Variants in GLIS3 observed in about 807,000 individuals in gnomAD.
GLIS3 encodes GLIS family zinc finger 3.
A neutral mutation model predicts 78.6 loss-of-function variants in GLIS3; 53 were observed. The ratio of observed to expected loss-of-function variants is 0.67; its 90% CI spans 0.54 to 0.85. The LOEUF is 0.85. GLIS3 is among the 40% of genes least tolerant of loss of function. GLIS3 has a pLI of 0.00. For synonymous variants in GLIS3, 684 were observed against 509.9 expected, an observed-to-expected ratio of 1.34 and a Z score of -4.60; for missense variants, 1,703 against 1,231.1, an observed-to-expected ratio of 1.38 and a Z score of -5.74.
chr9:4,181,063 C>G (rs567705299), intron 2 of GLIS3, among the ~76,000 whole-genome samples: 13 of 152,230 alleles, frequency 8.5e-5, no homozygotes, highest in Non-Finnish European at 1.6e-4. Flanking sequence ...CTTCCAGGCA[C>G]AGGCATGTCA....
At chr9:3,939,132 C>A (rs1293406359) in intron 4 of GLIS3, among the ~76,000 whole-genome samples, 4 of 152,162 alleles carry the variant, frequency 2.6e-5, no homozygotes, top group Non-Finnish European at 5.9e-5. Flanking sequence ...GCTCCCGGGG[C>A]ACATACCCAA....
chr9:4,405,354 T>TA, the GLIS3 span, among the ~76,000 whole-genome samples: 14,011 of 131,954 alleles, frequency 0.11, 1,462 homozygotes, highest in East Asian at 0.31. Flanking sequence ...AACTCCATCT[T>TA]AAAAAAAAAA....
intron 4 of GLIS3, among the ~76,000 whole-genome samples, chr9:4,103,258 T>C (rs887735759): frequency 6.6e-6 from 1 of 152,176 alleles, no homozygotes; most frequent in East Asian, 1.9e-4. Flanking sequence ...ACAGACTCAT[T>C]AGGCTTCGTT....
the GLIS3 span, among the ~76,000 whole-genome samples, chr9:4,374,133 G>A: frequency 6.6e-6 from 1 of 152,170 alleles, no homozygotes; most frequent in Non-Finnish European, 1.5e-5. Flanking sequence ...TTTTGCTACT[G>A]AAGGGCAGAG....
At chr9:3,953,686 T>G (rs2130852554) in intron 4 of GLIS3, among the ~76,000 whole-genome samples, 1 of 151,876 alleles carries the variant, frequency 6.6e-6, no homozygotes, top group East Asian at 1.9e-4. Flanking sequence ...GAAAACATAT[T>G]TTTGATAACA....
chr9:4,224,845 C>T lies in GLIS3; in HGVS notation c.388+61193G>A, dbSNP rs572615892. 2.0e-5 allele frequency among the ~76,000 whole-genome samples: 3 copies of T among 151,680 alleles called. No individual in the cohort carries two copies. In the South Asian group the frequency reaches 6.3e-4, roughly 32 times the overall value. Reference sequence around the variant, plus strand: ...AACAGCAAAATCATTCTTTTAGTGACTTGCACTTTTCAAACACTGTCAATA... The same window carrying T: ...AACAGCAAAATCATTCTTTTAGTGATTTGCACTTTTCAAACACTGTCAATA... On this transcript the variant is annotated intron_variant, in intron 2 of 10. Coordinates refer to ENST00000381971, the MANE Select transcript of GLIS3 (RefSeq NM_001042413.2).
intron 4 of GLIS3, among the ~76,000 whole-genome samples, chr9:3,993,736 T>C (rs1416096436): frequency 6.6e-6 from 1 of 152,258 alleles, no homozygotes; most frequent in Non-Finnish European, 1.5e-5. Context: ...GATGATTGCA[T>C]GATTTTAGCA....
the GLIS3 span, among the ~76,000 whole-genome samples, chr9:4,384,817 G>C: frequency 2.3e-4 from 35 of 151,908 alleles, no homozygotes; most frequent in Non-Finnish European, 3.5e-4. Flanking sequence ...TCAACCTCCA[G>C]CCCCGTGTAC....
chr9:3,894,477 A>G (rs1346378418), intron 7 of GLIS3, among the ~76,000 whole-genome samples: 1 of 152,236 alleles, frequency 6.6e-6, no homozygotes, highest in Non-Finnish European at 1.5e-5. Flanking sequence ...ACATATTAAA[A>G]CATGTACCAT....
intron 4 of GLIS3, among the ~76,000 whole-genome samples, chr9:4,029,280 C>A (rs1823610272): frequency 1.3e-5 from 2 of 151,694 alleles, no homozygotes; most frequent in African/African-American, 4.8e-5. Context: ...CAGACCTTTT[C>A]CCCCCGAGAC....
At chr9:4,420,060 C>G in the GLIS3 span, among the ~76,000 whole-genome samples, 1 of 152,136 alleles carries the variant, frequency 6.6e-6, no homozygotes, top group Non-Finnish European at 1.5e-5. Context: ...GTCCTGAAGC[C>G]TGGCTGTTGA....
At chr9:4,377,747 C>T in the GLIS3 span, among the ~76,000 whole-genome samples, 4 of 151,712 alleles carry the variant, frequency 2.6e-5, no homozygotes, top group Non-Finnish European at 4.4e-5. Flanking sequence ...ATTATTTTTT[C>T]ATTATTAGAC....
At chr9:4,404,399 TC>T in the GLIS3 span, among the ~76,000 whole-genome samples, 7 of 152,124 alleles carry the variant, frequency 4.6e-5, no homozygotes, top group African/African-American at 1.7e-4. Context: ...AAACATGTCA[TC>T]CAACAGCTGC....
chr9:4,456,880 A>G, the GLIS3 span, among the ~76,000 whole-genome samples: 1 of 152,220 alleles, frequency 6.6e-6, no homozygotes, highest in African/African-American at 2.4e-5. Context: ...ATCCCAAAAC[A>G]ATTGCAATAC....
In GLIS3 at chr9:4,070,636, T is replaced by C. The variant is rs189664577; in HGVS notation, c.1710+47132A>G. Reference sequence around the variant, plus strand: ...TGTGTGTGTATATGTAAGCTGTACATATTTCTCTCTCGCATATCCAGGTGA... The same window carrying C: ...TGTGTGTGTATATGTAAGCTGTACACATTTCTCTCTCGCATATCCAGGTGA... On this transcript the variant is annotated intron_variant, in intron 4 of 10. Coordinates refer to ENST00000381971, the MANE Select transcript of GLIS3 (RefSeq NM_001042413.2). Among the ~76,000 whole-genome samples the C allele has an allele frequency of 1.6e-4, 24 of 152,284 alleles. No homozygotes were observed. The East Asian group carries it at 4.2e-3, about 27-fold the overall frequency.
chr9:4,118,052 G>C lies in GLIS3; in HGVS notation c.1426C>G (p.His476Asp), dbSNP rs1009463457. 10 of 1,588,510 alleles carry C rather than the reference G, an allele frequency of 6.3e-6. No homozygotes were observed. The Middle Eastern group carries it at 6.7e-4, about 107-fold the overall frequency. ...AHLHHPELGP[H>D]AQQLALPQAT... ...TGGGGCAAGGCCAGCTGCTGGGCGT[G>C]GGGCCCGAGCTCCGGGTGGTGAAGG... Residue 476 changes from histidine to aspartate, a missense_variant, in exon 4 of 11, where the codon CAC becomes GAC. Coordinates refer to ENST00000381971, the MANE Select transcript of GLIS3 (RefSeq NM_001042413.2). The surrounding 1 kb of genome is among the most constrained non-coding windows in gnomAD (Gnocchi z 4.7).
intron 4 of GLIS3, among the ~76,000 whole-genome samples, chr9:3,961,689 G>A (rs960863388): frequency 1.3e-5 from 2 of 152,128 alleles, no homozygotes; most frequent in Non-Finnish European, 2.9e-5. Context: ...GGCAGGTTTA[G>A]TGAGTCTACA....
At chr9:4,166,161 A>G (rs528833043) in intron 2 of GLIS3, among the ~76,000 whole-genome samples, 2 of 152,322 alleles carry the variant, frequency 1.3e-5, no homozygotes, top group South Asian at 2.1e-4. Context: ...GTTCTGAGGG[A>G]AAGTACTTGA....
intron 7 of GLIS3, among the ~76,000 whole-genome samples, chr9:3,895,790 G>GACTT (rs1389778687): frequency 2.0e-5 from 3 of 152,154 alleles, no homozygotes; most frequent in African/African-American, 4.8e-5. Flanking sequence ...GCAAAACTAT[G>GACTT]ACTTCTTCAC....
Sources: allele counts gnomAD v4.1 joint callset (sites outside exome capture counted in the v4.1 genomes callset), GRCh38; gene constraint gnomAD v4.1.1; non-coding constraint Gnocchi (gnomAD v3.1); transcripts MANE v1.5; gene names NCBI Gene and HGNC (gene_info 2026-07-23, HGNC 2026-07-21).